Variants in AKAP7 observed in about 807,000 individuals in gnomAD.
AKAP7 encodes the protein A-kinase anchoring protein 7, also known as A kinase (PRKA) anchor protein 7.
Under a neutral mutation model 39.5 loss-of-function variants are expected in AKAP7, and 39 were observed. The observed-to-expected ratio is 0.99, with a 90% confidence interval of 0.76 to 1.29. The LOEUF (loss-of-function observed/expected upper bound fraction) is 1.29, where lower values mean the gene tolerates loss of function less well. Ranked by LOEUF, AKAP7 falls within the 50% of genes most tolerant of loss-of-function variation. The pLI is 0.00. For synonymous variants in AKAP7, 140 were observed against 139.1 expected (o/e 1.01, Z -0.05); for missense variants, 414 against 407.7 (o/e 1.02, Z -0.13).
At chr6:131,213,006 T>A (rs1808817654) in intron 6 of AKAP7, among the ~76,000 whole-genome samples, 1 of 152,224 alleles carries the variant, frequency 6.6e-6, no homozygotes, top group South Asian at 2.1e-4. Flanking sequence ...TATTTAGCTC[T>A]CATTTGAATG....
intron 7 of AKAP7, among the ~76,000 whole-genome samples, chr6:131,252,732 A>T (rs9492883): frequency 0.28 from 43,108 of 152,088 alleles, 6,639 homozygotes; most frequent in Middle Eastern, 0.4. Flanking sequence ...AATGTGAAAG[A>T]ATCCATAATA....
At chr6:131,139,261 C>T (rs1027259998) in intron 1 of AKAP7, among the ~76,000 whole-genome samples, 1 of 152,124 alleles carries the variant, frequency 6.6e-6, no homozygotes, top group African/African-American at 2.4e-5. Context: ...TTGAAAGTGG[C>T]ACTCCTTTTT....
At position 131,160,094 on chromosome 6, in the gene AKAP7, C is replaced by A; in HGVS notation, c.187C>A (p.Gln63Lys). ...ACCTCAAATAAATTTGAAGAGAAGTCAAGAAAATGAATGGGTCAAGAGTGA... is the reference window on the plus strand; with the variant it reads ...ACCTCAAATAAATTTGAAGAGAAGTAAAGAAAATGAATGGGTCAAGAGTGA... ...DEPQINLKRS[Q>K]ENEWVKSDQV... Residue 63 changes from glutamine to lysine, a missense_variant, in exon 3 of 8, where the codon CAA becomes AAA. Gln to Lys is a moderately conservative substitution (Grantham distance 53). Coordinates refer to ENST00000431975, the MANE Select transcript of AKAP7 (RefSeq NM_016377.4). 2 of 1,592,232 alleles carry A rather than the reference C, an allele frequency of 1.3e-6. No homozygotes were observed. Among genetic ancestry groups the A allele is most frequent in the Admixed American group, 1.9e-5 (1 of 53,660 alleles).
At chr6:131,188,395 T>G (rs1037829814) in intron 5 of AKAP7, among the ~76,000 whole-genome samples, 8 of 152,230 alleles carry the variant, frequency 5.3e-5, no homozygotes, top group African/African-American at 1.9e-4. Context: ...AAAAGTGATT[T>G]TAAAATTTTA....
the AKAP7 span, among the ~76,000 whole-genome samples, chr6:131,128,016 G>A: frequency 6.6e-6 from 1 of 152,100 alleles, no homozygotes; most frequent in East Asian, 1.9e-4. Flanking sequence ...CAGACACTGG[G>A]GACTATTTGA....
intron 7 of AKAP7, among the ~76,000 whole-genome samples, chr6:131,236,240 C>T (rs1435387177): frequency 6.6e-6 from 1 of 152,118 alleles, no homozygotes; most frequent in Non-Finnish European, 1.5e-5. Flanking sequence ...TTTCTGAGTG[C>T]TCTGTTCTGT....
chr6:131,260,777 C>A (rs945964955), intron 7 of AKAP7, among the ~76,000 whole-genome samples: 7 of 152,144 alleles, frequency 4.6e-5, no homozygotes, highest in African/African-American at 1.4e-4. Context: ...ATAATAGTTT[C>A]TTTTGCTGTG....
In AKAP7 at chr6:131,226,166, C is replaced by T. The variant is rs1810145058; in HGVS notation, c.850+6358C>T. Among the ~76,000 whole-genome samples, 4 of 152,202 alleles carry T rather than the reference C, an allele frequency of 2.6e-5. No homozygotes were observed. In the South Asian group the frequency reaches 6.2e-4, roughly 24 times the overall value. The stretch of plus-strand genomic sequence containing the variant: ...CTTACCCTGTTGTTCTTGTACAAAT[C>T]TGTTTACCTTTACACTGCCTACTTG... On this transcript the variant is annotated intron_variant, in intron 7 of 7. Coordinates refer to ENST00000431975, the MANE Select transcript of AKAP7 (RefSeq NM_016377.4).
chr6:131,225,323 C>G (rs1810070642), intron 7 of AKAP7, among the ~76,000 whole-genome samples: 1 of 152,122 alleles, frequency 6.6e-6, no homozygotes, highest in Admixed American at 6.5e-5. Flanking sequence ...GTGGTTGTCA[C>G]AGCCCTGGTC....
intron 5 of AKAP7, among the ~76,000 whole-genome samples, chr6:131,191,863 G>A (rs75155288): frequency 1.3e-5 from 1 of 76,850 alleles, no homozygotes; most frequent in Non-Finnish European, 2.8e-5. Flanking sequence ...TTTTTTTTTT[G>A]AGACTTGGTC....
chr6:131,213,751 TC>T (rs1363842793), intron 6 of AKAP7, among the ~76,000 whole-genome samples: 1 of 152,132 alleles, frequency 6.6e-6, no homozygotes, highest in Non-Finnish European at 1.5e-5. Context: ...ATATGGTCTC[TC>T]CTGCAGGAAA....
chr6:131,141,046 C>A (rs1800985933), intron 1 of AKAP7, among the ~76,000 whole-genome samples: 1 of 152,080 alleles, frequency 6.6e-6, no homozygotes, highest in South Asian at 2.1e-4. Flanking sequence ...TAAGAATGTA[C>A]TATTAGGGTT....
At position 131,281,647 on chromosome 6, in the gene AKAP7, A is replaced by G. The variant is rs772967627; in HGVS notation, c.968A>G (p.Asn323Ser). The change falls in exon 8 of 8, where the codon AAC becomes AGC. Residue 323 changes from asparagine to serine, a missense_variant. Physicochemically the swap from Asn to Ser is conservative, Grantham distance 46. Transcript: ENST00000431975. This position sits in a 1 kb window ranked among gnomAD's most constrained non-coding sequence, Gnocchi z 4.0. Reference sequence around the variant, plus strand: ...TATCTGGAGGAAACACAGAATAAAAACAAGCCGGGGGAGGGGAGCTCTGTG... The same window carrying G: ...TATCTGGAGGAAACACAGAATAAAAGCAAGCCGGGGGAGGGGAGCTCTGTG... ...QQYLEETQNK[N>S]KPGEGSSVKT... 1 of 1,613,762 alleles carries G rather than the reference A, an allele frequency of 6.2e-7. No individual in the cohort carries two copies. The highest frequency in any genetic ancestry group is 8.5e-7 in the Non-Finnish European group (1 of 1,179,870).
intron 2 of AKAP7, 100 bp from the exon 3 acceptor site, chr6:131,159,959 C>A: frequency 1.8e-6 from 2 of 1,094,238 alleles, no homozygotes; most frequent in Non-Finnish European, 2.5e-6. Context: ...GAAAATGACA[C>A]TGATGAATGA....
intron 7 of AKAP7, among the ~76,000 whole-genome samples, chr6:131,267,368 C>G (rs934127358): frequency 6.6e-6 from 1 of 152,178 alleles, no homozygotes; most frequent in African/African-American, 2.4e-5. Flanking sequence ...CATTTCATAA[C>G]ATGAGCAGTT....
At chr6:131,242,537 A>G (rs1282568852) in intron 7 of AKAP7, among the ~76,000 whole-genome samples, 2 of 150,832 alleles carry the variant, frequency 1.3e-5, no homozygotes, top group African/African-American at 4.9e-5. Flanking sequence ...GACCCTTTTA[A>G]TCACTTTCTT....
chr6:131,210,273 C>T (rs1402183952), intron 6 of AKAP7, among the ~76,000 whole-genome samples: 1 of 152,212 alleles, frequency 6.6e-6, no homozygotes, highest in African/African-American at 2.4e-5. Flanking sequence ...CTTCAAAATA[C>T]TAAACCAGTT....
In AKAP7 at chr6:131,165,733, C is replaced by G. The variant is rs140615245; in HGVS notation, c.428+516C>G. Among the ~76,000 whole-genome samples the G allele has an allele frequency of 2.7e-3, 408 of 152,292 alleles. 9 individuals are homozygous for G. Among genetic ancestry groups the G allele is most frequent in the Admixed American group, 0.021 (325 of 15,294 alleles). On this transcript the variant is annotated intron_variant, in intron 4 of 7. Coordinates refer to ENST00000431975, the MANE Select transcript of AKAP7 (RefSeq NM_016377.4). ...TAGTCATTTTTAGAGTCACTGTACT[C>G]TACCTACCCCCACCGCCCCCATGCC...
intron 6 of AKAP7, among the ~76,000 whole-genome samples, chr6:131,208,633 A>G (rs1808348263): frequency 6.6e-6 from 1 of 152,258 alleles, no homozygotes; most frequent in Admixed American, 6.5e-5. Context: ...GATCCAATGA[A>G]TGTTAGCAAT....
Sources: allele counts gnomAD v4.1 joint callset (sites outside exome capture counted in the v4.1 genomes callset), GRCh38; gene constraint gnomAD v4.1.1; non-coding constraint Gnocchi (gnomAD v3.1); transcripts MANE v1.5; gene names NCBI Gene and HGNC (gene_info 2026-07-23, HGNC 2026-07-21).